Variants in ZFHX3 observed in about 807,000 individuals in gnomAD.
The protein encoded by ZFHX3 is zinc finger homeobox 3, also known as zinc finger homeobox protein 3.
A neutral mutation model predicts 279.1 loss-of-function variants in ZFHX3; 42 were observed. The observed-to-expected ratio is 0.15, with a 90% CI of 0.12 to 0.19. ZFHX3 has a LOEUF of 0.19. Among genes scored for constraint, ZFHX3 ranks in the 10% least tolerant of loss-of-function variants. ZFHX3 has a pLI of 1.00. For synonymous variants in ZFHX3, 2,293 were observed against 1,957.8 expected (o/e 1.17, Z -4.52); for missense variants, 4,981 against 4,754.0 (o/e 1.05, Z -1.40).
chr16:73,467,746 C>A (rs1411498199), intron 2 of ZFHX3, among the ~76,000 whole-genome samples: 1 of 152,158 alleles, frequency 6.6e-6, no homozygotes, highest in African/African-American at 2.4e-5. Flanking sequence ...TCAAGATCAT[C>A]AACCCTCGTC....
chr16:73,281,096 C>T lies in ZFHX3; in HGVS notation c.-1193-23960G>A, dbSNP rs527728022. ...AAAGTTTCTCCAAAAAGTAAACATA[C>T]AACTGCCATGTGGTCCAGCAATCCC... On this transcript the variant is annotated intron_variant, in intron 4 of 17. Transcript: ENST00000641206. Among the ~76,000 whole-genome samples the T allele has an allele frequency of 2.7e-5, 4 of 149,976 alleles. No homozygotes were observed. In the South Asian group the frequency reaches 8.4e-4, roughly 32 times the overall value.
At chr16:73,009,481 A>T (rs1015129929) in intron 1 of ZFHX3, among the ~76,000 whole-genome samples, 1 of 152,230 alleles carries the variant, frequency 6.6e-6, no homozygotes, top group Non-Finnish European at 1.5e-5. Flanking sequence ...ATTTAAAAAA[A>T]AAACTCATTC....
intron 7 of ZFHX3, among the ~76,000 whole-genome samples, chr16:73,113,581 C>G (rs541625606): frequency 3.9e-5 from 6 of 152,214 alleles, no homozygotes; most frequent in Admixed American, 3.9e-4. Context: ...CATACACCCA[C>G]TACGTGAGCT....
At chr16:73,315,219 G>GAAA (rs67349927) in intron 4 of ZFHX3, among the ~76,000 whole-genome samples, 1 of 121,766 alleles carries the variant, frequency 8.2e-6, no homozygotes, top group Non-Finnish European at 1.8e-5. Context: ...ATCTCAAAAA[G>GAAA]AAAAAAAAAA....
chr16:73,804,632 G>T (rs1328457216), intron 1 of ZFHX3, among the ~76,000 whole-genome samples: 1 of 152,052 alleles, frequency 6.6e-6, no homozygotes, highest in African/African-American at 2.4e-5. Flanking sequence ...CCCATTAGAA[G>T]CTTCTAGCAT....
intron 1 of ZFHX3, among the ~76,000 whole-genome samples, chr16:73,855,288 G>A (rs987628295): frequency 2.0e-5 from 3 of 149,986 alleles, no homozygotes; most frequent in Admixed American, 2.0e-4. Context: ...GAAATTCAGG[G>A]CAATGAAGCT....
At chr16:72,862,718 T>C (rs2037916911) in intron 4 of ZFHX3, among the ~76,000 whole-genome samples, 1 of 151,958 alleles carries the variant, frequency 6.6e-6, no homozygotes, top group African/African-American at 2.4e-5. Context: ...AACACAGGGG[T>C]ACAGAAGAAC....
chr16:72,811,247 C>A (rs1408098948), intron 7 of ZFHX3, among the ~76,000 whole-genome samples: 1 of 152,126 alleles, frequency 6.6e-6, no homozygotes, highest in African/African-American at 2.4e-5. Context: ...AAGGTAAGAG[C>A]AATCTAGTTC....
At chr16:72,849,485 C>T (rs978102071) in intron 4 of ZFHX3, among the ~76,000 whole-genome samples, 2 of 152,170 alleles carry the variant, frequency 1.3e-5, no homozygotes, top group Non-Finnish European at 2.9e-5. Flanking sequence ...ATGGTGCCCA[C>T]GATCCTGCCT....
intron 1 of ZFHX3, among the ~76,000 whole-genome samples, chr16:73,876,684 A>G (rs1415652772): frequency 3.3e-5 from 5 of 152,222 alleles, no homozygotes; most frequent in African/African-American, 9.6e-5. Context: ...ATTCATTAGC[A>G]TAGGCTTTTT....
chr16:73,555,421 T>G (rs537440401), intron 2 of ZFHX3, among the ~76,000 whole-genome samples: 2 of 152,110 alleles, frequency 1.3e-5, no homozygotes, highest in African/African-American at 4.8e-5. Flanking sequence ...CCCAAAGTGC[T>G]GGGATTACAG....
chr16:72,889,544 G>A (rs773549545), intron 4 of ZFHX3, among the ~76,000 whole-genome samples, 187 bp downstream of exon 4: 6 of 149,626 alleles, frequency 4.0e-5, no homozygotes, highest in Non-Finnish European at 8.9e-5. Flanking sequence ...AAAAAAGACA[G>A]AAAGGCGGGC....
intron 4 of ZFHX3, among the ~76,000 whole-genome samples, chr16:73,273,627 G>C (rs937058832): frequency 6.6e-6 from 1 of 152,060 alleles, no homozygotes; most frequent in Non-Finnish European, 1.5e-5. Flanking sequence ...TTCCGCATCA[G>C]TTTTTTAAGA....
intron 3 of ZFHX3, among the ~76,000 whole-genome samples, chr16:73,411,795 G>A (rs575482666): frequency 4.6e-5 from 7 of 152,222 alleles, no homozygotes; most frequent in Non-Finnish European, 8.8e-5. Flanking sequence ...GCAGGTTACT[G>A]CCACGCCCAG....
chr16:73,690,080 A>G (rs1007038885), intron 1 of ZFHX3, among the ~76,000 whole-genome samples: 1 of 151,940 alleles, frequency 6.6e-6, no homozygotes, highest in African/African-American at 2.4e-5. Context: ...ACGTCTGGCT[A>G]ATTTTTTTGT....
Position 72,797,541 on chromosome 16 carries a change from T to G in ZFHX3, c.5141A>C (p.Lys1714Thr). The stretch of plus-strand genomic sequence containing the variant: ...CCTGGATGCAATCATATCTGCCAGT[T>G]TCTTCCGATTGGCCTCTTTGGGCTC... ...PSEPKEANRKKLADMIASRQQ... is the reference protein window; with the variant it reads ...PSEPKEANRKTLADMIASRQQ... The change falls in exon 9 of 10, where the codon AAA (lysine) becomes ACA (threonine). Residue 1714 changes from lysine to threonine, a missense_variant. Physicochemically the swap from Lys to Thr is moderately conservative, Grantham distance 78 (BLOSUM62 -1). Around this residue, in one of 7 missense-constraint regions of ZFHX3, gnomAD observed 1,751 missense variants for 1,770.0 expected, o/e 0.99. Transcript: ENST00000268489. The G allele has an allele frequency of 6.2e-7, 1 of 1,614,130 alleles. No homozygotes were observed. Among genetic ancestry groups the G allele is most frequent in the Non-Finnish European group, 8.5e-7 (1 of 1,180,022 alleles).
chr16:73,317,169 T>C lies in ZFHX3; in HGVS notation c.-1194+1071A>G, dbSNP rs1356347690. On this transcript the variant is annotated intron_variant, in intron 4 of 17. Transcript: ENST00000641206. The stretch of plus-strand genomic sequence containing the variant: ...GTGGTGGTGAAAACAATACCCACCA[T>C]GATACTGATGGGCAGGTCTGGTTGT... Among the ~76,000 whole-genome samples the C allele has an allele frequency of 2.6e-5, 4 of 151,282 alleles. No homozygotes were observed. In the East Asian group the frequency reaches 7.8e-4, roughly 30 times the overall value.
chr16:73,009,818 C>T (rs956368535), intron 1 of ZFHX3, among the ~76,000 whole-genome samples: 2 of 151,848 alleles, frequency 1.3e-5, no homozygotes, highest in African/African-American at 2.4e-5. Flanking sequence ...GTCAGGAGTT[C>T]GAGACAAGCC....
At chr16:73,034,711 G>C (rs1019423387) in intron 1 of ZFHX3, among the ~76,000 whole-genome samples, 9 of 152,224 alleles carry the variant, frequency 5.9e-5, no homozygotes, top group Admixed American at 3.9e-4. Context: ...GAGTGGGGCT[G>C]TCCCCTGAGG....
Sources: allele counts gnomAD v4.1 joint callset (sites outside exome capture counted in the v4.1 genomes callset), GRCh38; gene constraint gnomAD v4.1.1; regional missense constraint gnomAD v4.1.1; transcripts MANE v1.5; gene names NCBI Gene and HGNC (gene_info 2026-07-23, HGNC 2026-07-21).